MYH15: variants seen among roughly 807,000 people sequenced by gnomAD.
MYH15 encodes the protein myosin heavy chain 15.
A neutral mutation model predicts 240.5 loss-of-function variants in MYH15; 227 were observed. That is an observed-to-expected ratio of 0.94 (90% CI 0.85 to 1.05). The LOEUF is 1.05. Among genes scored for constraint, MYH15 ranks in the 50% least tolerant of loss-of-function variants. The probability of loss-of-function intolerance (pLI) is 0.00; values close to 1 mark genes in which losing one functional copy is unlikely to be tolerated. For missense variants in MYH15, 2,217 were observed against 2,247.5 expected, an observed-to-expected ratio of 0.99 and a Z score of 0.27; for synonymous variants, 785 against 796.7, an observed-to-expected ratio of 0.99 and a Z score of 0.25.
At chr3:108,393,853 G>C (rs986753012) in intron 36 of MYH15, among the ~76,000 whole-genome samples, 178 bp downstream of exon 36, 2 of 152,208 alleles carry the variant, frequency 1.3e-5, no homozygotes, top group African/African-American at 4.8e-5. Flanking sequence ...GGTGGGAGGA[G>C]CTAATTGGCC....
At chr3:108,533,118 C>CTTTTTTTTT (rs10561890), upstream of MYH15, among the ~76,000 whole-genome samples, 1 of 97,686 alleles carries the variant, frequency 1.0e-5, no homozygotes, top group African/African-American at 3.8e-5. Context: ...ACAATAAAAG[C>CTTTTTTTTT]TTTTTTTTTT....
chr3:108,484,419 C>T lies in MYH15; in HGVS notation c.1114+672G>A, dbSNP rs545756735. On this transcript the variant is annotated intron_variant, in intron 11 of 40. Transcript: ENST00000693548. ...CTGGAATTCCAAGGGCCTTAGTTCA[C>T]ATCTCCATTATGTCACTTAATACAT... Among the ~76,000 whole-genome samples, 20 of 152,280 alleles carry T rather than the reference C, an allele frequency of 1.3e-4. No individual in the cohort carries two copies. In the South Asian group the frequency reaches 4.1e-3, roughly 32 times the overall value.
the MYH15 span, among the ~76,000 whole-genome samples, chr3:108,539,615 A>T: frequency 6.6e-6 from 1 of 152,200 alleles, no homozygotes; most frequent in African/African-American, 2.4e-5. Flanking sequence ...ATAGGAAAAT[A>T]TAATTTACGG....
At chr3:108,479,635 C>T (rs1480151498) in intron 11 of MYH15, among the ~76,000 whole-genome samples, 3 of 152,152 alleles carry the variant, frequency 2.0e-5, no homozygotes, top group Non-Finnish European at 4.4e-5. Flanking sequence ...AGTTCCCCAG[C>T]GATTCTGTTG....
chr3:108,433,981 G>T (rs913202069), intron 25 of MYH15, among the ~76,000 whole-genome samples: 1 of 151,948 alleles, frequency 6.6e-6, no homozygotes, highest in South Asian at 2.1e-4. Context: ...TGTACATGTA[G>T]CTGTAGAGTT....
At position 108,412,409 on chromosome 3, in the gene MYH15, G is replaced by A. The variant is rs982446267; in HGVS notation, c.4146-1477C>T. On this transcript the variant is annotated intron_variant, in intron 30 of 40. Transcript: ENST00000693548. Reference sequence around the variant, plus strand: ...CCAGGATTGTAAGTTTCCTGAGGTCGCCCCAGCCATGGTGAACTGTGAGTC... The same window carrying A: ...CCAGGATTGTAAGTTTCCTGAGGTCACCCCAGCCATGGTGAACTGTGAGTC... 6.6e-5 allele frequency among the ~76,000 whole-genome samples: 10 copies of A among 152,080 alleles called. No homozygotes were observed. The South Asian group carries it at 1.0e-3, about 16-fold the overall frequency.
intron 14 of MYH15, 71 bp downstream of exon 14, chr3:108,469,971 C>T (rs923693949): frequency 1.4e-6 from 2 of 1,459,932 alleles, no homozygotes; most frequent in East Asian, 4.8e-5. Context: ...TAAGTCCTGA[C>T]ATGGATCAAC....
chr3:108,385,502 C>T (rs1560302970), intron 38 of MYH15, among the ~76,000 whole-genome samples: 1 of 152,172 alleles, frequency 6.6e-6, no homozygotes, highest in Non-Finnish European at 1.5e-5. Context: ...CTGTGCTCTG[C>T]AGAGCCTTTG....
chr3:108,511,603 G>A (rs1005226088), upstream of MYH15, among the ~76,000 whole-genome samples: 1 of 152,170 alleles, frequency 6.6e-6, no homozygotes, highest in African/African-American at 2.4e-5. Flanking sequence ...TAAATGAGAA[G>A]CTATTCTCTC....
At chr3:108,456,657 T>C in intron 19 of MYH15, 109 bp downstream of exon 19, 1 of 740,012 alleles carries the variant, frequency 1.4e-6, no homozygotes, top group South Asian at 1.7e-5. Context: ...CATCGATTTG[T>C]AGTCTGGAGG....
the MYH15 span, among the ~76,000 whole-genome samples, chr3:108,538,246 G>C: frequency 6.6e-6 from 1 of 152,140 alleles, no homozygotes; most frequent in Non-Finnish European, 1.5e-5. Context: ...TTAGATGCCA[G>C]ACTGAGCTTC....
At chr3:108,529,148 T>C in intron 1 of MYH15, 1 of 900,622 alleles carries the variant, frequency 1.1e-6, no homozygotes, top group Non-Finnish European at 1.7e-6. Flanking sequence ...TACTATCATG[T>C]AGTAATTGGT....
the MYH15 span, among the ~76,000 whole-genome samples, chr3:108,537,243 G>A: frequency 6.6e-6 from 1 of 152,300 alleles, no homozygotes; most frequent in South Asian, 2.1e-4. Context: ...AGGGAGGCCT[G>A]TACAACCAAA....
At chr3:108,473,094 G>A (rs1323759044) in intron 12 of MYH15, among the ~76,000 whole-genome samples, 1 of 152,114 alleles carries the variant, frequency 6.6e-6, no homozygotes, top group African/African-American at 2.4e-5. Flanking sequence ...TGCAACCTCC[G>A]CCTCCAAGGT....
intron 12 of MYH15, 145 bp downstream of exon 12, chr3:108,476,252 T>C (rs1204781969): frequency 9.7e-6 from 5 of 517,342 alleles, no homozygotes; most frequent in South Asian, 3.7e-5. Flanking sequence ...ACATTTGGAA[T>C]AGTCATCCCA....
intron 11 of MYH15, among the ~76,000 whole-genome samples, chr3:108,479,105 C>A (rs2083244328): frequency 6.6e-6 from 1 of 152,182 alleles, no homozygotes; most frequent in Non-Finnish European, 1.5e-5. Flanking sequence ...CAGTTTGCAA[C>A]CAAGATGAAA....
chr3:108,387,499 C>A (rs1189479209), intron 38 of MYH15, among the ~76,000 whole-genome samples: 1 of 152,114 alleles, frequency 6.6e-6, no homozygotes, highest in Non-Finnish European at 1.5e-5. Context: ...CACGATAGAA[C>A]AAGAATGCAT....
chr3:108,447,548 G>C (rs1168237561), intron 21 of MYH15, among the ~76,000 whole-genome samples: 1 of 151,684 alleles, frequency 6.6e-6, no homozygotes, highest in East Asian at 1.9e-4. Context: ...CAGACCAGAA[G>C]AGAGTGGTGT....
Position 108,485,209 on chromosome 3 carries a change from G to GC in MYH15, c.995dup (p.Phe333LeufsTer4). 1.2e-6 allele frequency: 2 copies of GC among 1,614,046 alleles called. No individual in the cohort carries two copies. Among genetic ancestry groups the GC allele is most frequent in the Non-Finnish European group, 1.7e-6 (2 of 1,179,964 alleles). On this transcript the variant is annotated frameshift_variant, in exon 11 of 41. Coordinates refer to ENST00000693548, the MANE Select transcript of MYH15 (RefSeq NM_014981.3). LOFTEE classifies it high-confidence loss of function. Reference sequence around the variant, plus strand: ...ATCCATACTTCTCATCAGGAAGAAAGCCCAAGATGTCCATGGCTTGCTGTA... The same window carrying GC: ...ATCCATACTTCTCATCAGGAAGAAAGCCCCAAGATGTCCATGGCTTGCTGTA...
Sources: gnomAD v4.1 joint callset for allele counts (sites outside exome capture counted in the v4.1 genomes callset) on GRCh38, gnomAD v4.1.1 for gene constraint, MANE v1.5 for transcripts, NCBI Gene and HGNC (gene_info 2026-07-23, HGNC 2026-07-21) for gene names.